The following APPBP2 variants were observed in gnomAD, a reference collection of about 807,000 sequenced individuals.
APPBP2 encodes amyloid protein-binding protein 2.
APPBP2 carries 15 observed loss-of-function variants against 76.0 expected under a neutral mutation model. The ratio of observed to expected loss-of-function variants is 0.20; its 90% CI spans 0.13 to 0.30. The LOEUF is 0.30. APPBP2 is among the 10% of genes least tolerant of loss of function. APPBP2 has a pLI of 1.00. For missense variants in APPBP2, 401 were observed against 687.2 expected (o/e 0.58, Z 4.66); for synonymous variants, 222 against 242.2 (o/e 0.92, Z 0.77).
chr17:60,455,588 C>A (rs1205468142), intron 10 of APPBP2, among the ~76,000 whole-genome samples: 1 of 152,092 alleles, frequency 6.6e-6, no homozygotes, highest in Admixed American at 6.5e-5. Context: ...AAGAGCCTTG[C>A]AACATTCGGG....
chr17:60,471,443 G>T (rs923702471), intron 4 of APPBP2, among the ~76,000 whole-genome samples: 3 of 151,894 alleles, frequency 2.0e-5, no homozygotes, highest in Non-Finnish European at 2.9e-5. Context: ...TGATGTTATT[G>T]TGAGTTTTTC....
chr17:60,502,622 G>C (rs1387928633), intron 1 of APPBP2, among the ~76,000 whole-genome samples: 1 of 146,520 alleles, frequency 6.8e-6, no homozygotes, highest in Non-Finnish European at 1.5e-5. Context: ...GGGAGGCCAA[G>C]GGGGGGTGGA....
At chr17:60,502,284 T>C (rs2090829157) in intron 1 of APPBP2, among the ~76,000 whole-genome samples, 1 of 152,228 alleles carries the variant, frequency 6.6e-6, no homozygotes, top group African/African-American at 2.4e-5. Flanking sequence ...TAAGAGCTTC[T>C]GGGAATGCAT....
chr17:60,462,454 C>CAGAA (rs1176479120), intron 6 of APPBP2: 1 of 164,490 alleles, frequency 6.1e-6, no homozygotes, highest in African/African-American at 2.4e-5. Context: ...TTGTTATTTT[C>CAGAA]ATTTAATAAT....
chr17:60,520,417 A>C (rs2090999548), intron 1 of APPBP2, among the ~76,000 whole-genome samples: 1 of 152,062 alleles, frequency 6.6e-6, no homozygotes, highest in Non-Finnish European at 1.5e-5. Flanking sequence ...TACTAAAAAT[A>C]CAAAAATCAG....
chr17:60,449,472 T>C (rs1162121229), intron 12 of APPBP2, among the ~76,000 whole-genome samples: 1 of 152,170 alleles, frequency 6.6e-6, no homozygotes, highest in Non-Finnish European at 1.5e-5. Flanking sequence ...GGTGTGCATC[T>C]GTAGTCCCAG....
intron 9 of APPBP2, chr17:60,459,672 A>C (rs2090462306): frequency 6.6e-6 from 1 of 152,028 alleles, no homozygotes; most frequent in Non-Finnish European, 1.5e-5. Flanking sequence ...TTGTATTTTT[A>C]GTAGAGATGG....
chr17:60,519,261 C>A (rs936652307), intron 1 of APPBP2, among the ~76,000 whole-genome samples: 8 of 146,752 alleles, frequency 5.5e-5, no homozygotes, highest in African/African-American at 2.2e-4. Context: ...CTGCTCCTGG[C>A]CACTTATTTT....
At chr17:60,504,448 A>G (rs1210669243) in intron 1 of APPBP2, among the ~76,000 whole-genome samples, 1 of 152,204 alleles carries the variant, frequency 6.6e-6, no homozygotes, top group Non-Finnish European at 1.5e-5. Flanking sequence ...TTACTTAATA[A>G]AGAGTGCATA....
Position 60,466,425 on chromosome 17 carries a change from G to A in APPBP2, c.538C>T (p.His180Tyr), listed in dbSNP as rs780916301. 12 of 1,613,224 alleles carry A rather than the reference G, an allele frequency of 7.4e-6. No individual in the cohort carries two copies. Among genetic ancestry groups the A allele is most frequent in the Middle Eastern group, 3.3e-4 (2 of 6,052 alleles). ...AATTTAAATGTTTCTTCACCCAAATGATATTTGCAGTTTCCATTTCGCACA... is the reference window on the plus strand; with the variant it reads ...AATTTAAATGTTTCTTCACCCAAATAATATTTGCAGTTTCCATTTCGCACA... Reference protein sequence around the residue: ...LHVRNGNCKYHLGEETFKLAQ... With the variant: ...LHVRNGNCKYYLGEETFKLAQ... The change falls in exon 5 of 13, where the codon CAT becomes TAT. Residue 180 changes from histidine to tyrosine, a missense_variant. Transcript: ENST00000083182.
intron 12 of APPBP2, among the ~76,000 whole-genome samples, chr17:60,451,484 A>AT (rs1302053699): frequency 6.6e-6 from 1 of 151,574 alleles, no homozygotes; most frequent in African/African-American, 2.4e-5. Flanking sequence ...TATTTTATTT[A>AT]TTTTTTTGAG....
chr17:60,505,683 T>G (rs1280530453), intron 1 of APPBP2, among the ~76,000 whole-genome samples: 3 of 131,646 alleles, frequency 2.3e-5, no homozygotes, highest in Non-Finnish European at 3.2e-5. Context: ...GCGGTTTTTT[T>G]TTTTTTTTTT....
At chr17:60,473,791 TA>T (rs1249748891) in intron 4 of APPBP2, among the ~76,000 whole-genome samples, 3 of 152,272 alleles carry the variant, frequency 2.0e-5, no homozygotes, top group Non-Finnish European at 4.4e-5. Flanking sequence ...ACATGTACCT[TA>T]AACATTTAGC....
Position 60,526,012 on chromosome 17 carries a change from C to A in APPBP2, c.-81G>T, listed in dbSNP as rs2091051852. The stretch of plus-strand genomic sequence containing the variant: ...CCCTCCGTAGCGAACCCCTCTGCGG[C>A]CCCGGAGGATTCGGAGGGGCGGTGG... On this transcript the variant is annotated 5_prime_UTR_variant, in exon 1 of 13. Coordinates refer to ENST00000083182, the MANE Select transcript of APPBP2 (RefSeq NM_006380.5). 7.1e-7 allele frequency: 1 copy of A among 1,398,788 alleles called. No homozygotes were observed. The highest frequency in any genetic ancestry group is 9.7e-7 in the Non-Finnish European group (1 of 1,034,624). 86.6% of individuals were successfully genotyped at this position (1,398,788 alleles called of 1,614,324 possible). A position where few individuals can be genotyped will look rare whatever the true frequency, so the allele number is the denominator to read the frequency against.
chr17:60,502,502 T>C (rs12942985), intron 1 of APPBP2, among the ~76,000 whole-genome samples: 18 of 130,560 alleles, frequency 1.4e-4, no homozygotes, highest in Admixed American at 4.9e-4. Flanking sequence ...TCTTAGCTTC[T>C]TACCAAAATG....
chr17:60,500,521 CAATTT>C (rs761574537), intron 1 of APPBP2, 34 bp from the exon 2 acceptor site: 2 of 1,431,690 alleles, frequency 1.4e-6, no homozygotes, highest in South Asian at 1.2e-5. Flanking sequence ...AAAAATTTTG[CAATTT>C]AATTCTTCTT....
chr17:60,519,120 C>T (rs1483353848), intron 1 of APPBP2, among the ~76,000 whole-genome samples: 1 of 148,876 alleles, frequency 6.7e-6, no homozygotes, highest in Admixed American at 6.6e-5. Flanking sequence ...CACCACCACA[C>T]CTGAATAAAT....
intron 11 of APPBP2, among the ~76,000 whole-genome samples, chr17:60,452,752 G>C (rs916028999): frequency 2.0e-5 from 3 of 152,000 alleles, no homozygotes; most frequent in African/African-American, 7.2e-5. Flanking sequence ...TGGGCAATAG[G>C]GCAAGACCCT....
Position 60,525,942 on chromosome 17 carries a change from TCCTCCTCCGCCTCCTCCG to T in APPBP2, c.-29_-12del, listed in dbSNP as rs532149178. The T allele has an allele frequency of 2.5e-6, 4 of 1,590,458 alleles. No individual in the cohort carries two copies. The highest frequency in any genetic ancestry group is 3.4e-6 in the Non-Finnish European group (4 of 1,168,436). On this transcript the variant is annotated 5_prime_UTR_variant, in exon 1 of 13. Transcript: ENST00000083182. ...TTCCACGGCCGCCATCTTCCTTCCC[TCCTCCTCCGCCTCCTCCG>T]CCTCCTCCTCCCGAAGGCCCCCACC...
Sources: allele counts gnomAD v4.1 joint callset (sites outside exome capture counted in the v4.1 genomes callset), GRCh38; gene constraint gnomAD v4.1.1; transcripts MANE v1.5; gene names NCBI Gene and HGNC (gene_info 2026-07-23, HGNC 2026-07-21).